Variants in RPS6KA2 observed in about 807,000 individuals in gnomAD.
The protein encoded by RPS6KA2 is ribosomal protein S6 kinase alpha-2.
A neutral mutation model predicts 91.8 loss-of-function variants in RPS6KA2; 42 were observed. The ratio of observed to expected loss-of-function variants is 0.46; its 90% CI spans 0.36 to 0.59. The LOEUF (loss-of-function observed/expected upper bound fraction) is 0.59. Ranked by LOEUF, RPS6KA2 falls within the 20% of genes least tolerant of loss-of-function variation. RPS6KA2 has a pLI of 0.00. For synonymous variants in RPS6KA2, 414 were observed against 393.6 expected (o/e 1.05, Z -0.61); for missense variants, 798 against 978.5 (o/e 0.82, Z 2.46).
At chr6:166,632,643 T>C (rs1044288598) in intron 2 of RPS6KA2, among the ~76,000 whole-genome samples, 3 of 151,166 alleles carry the variant, frequency 2.0e-5, no homozygotes, top group Admixed American at 6.6e-5. Context: ...TTGTCAATTA[T>C]ACCTCAACAA....
At chr6:166,651,919 C>G (rs1257409929) in intron 2 of RPS6KA2, among the ~76,000 whole-genome samples, 5 of 152,276 alleles carry the variant, frequency 3.3e-5, no homozygotes, top group African/African-American at 1.2e-4. Flanking sequence ...ACTGTGCCCC[C>G]CAACGGCTGA....
intron 2 of RPS6KA2, among the ~76,000 whole-genome samples, chr6:166,798,655 A>G (rs1203963073): frequency 6.6e-6 from 1 of 152,212 alleles, no homozygotes; most frequent in Non-Finnish European, 1.5e-5. Flanking sequence ...ACATGGCATA[A>G]GTATTTTTAA....
At chr6:166,781,009 ACTAGAAGCTC>A (rs1778755049) in intron 2 of RPS6KA2, among the ~76,000 whole-genome samples, 2 of 152,242 alleles carry the variant, frequency 1.3e-5, no homozygotes, top group Non-Finnish European at 2.9e-5. Flanking sequence ...ACTGACTCCT[ACTAGAAGCTC>A]CAGTTCCTCT....
chr6:166,617,346 T>C (rs1025036125), intron 1 of RPS6KA2, among the ~76,000 whole-genome samples: 1 of 152,240 alleles, frequency 6.6e-6, no homozygotes, highest in Non-Finnish European at 1.5e-5. Context: ...TTTTAAGATA[T>C]TTTGTTGCTT....
intron 2 of RPS6KA2, among the ~76,000 whole-genome samples, chr6:166,717,608 G>A (rs1790048593): frequency 6.6e-6 from 1 of 152,206 alleles, no homozygotes; most frequent in African/African-American, 2.4e-5. Flanking sequence ...GCAGCGTGGG[G>A]TTGGAAGGGA....
In RPS6KA2 at chr6:166,459,539, T is replaced by G; in HGVS notation, c.985A>C (p.Lys329Gln). 6.2e-7 allele frequency: 1 copy of G among 1,613,254 alleles called. No individual in the cohort carries two copies. Among genetic ancestry groups the G allele is most frequent in the South Asian group, 1.1e-5 (1 of 90,996 alleles). ...GGTTTGAACGGTGGCTTGATCTCCT[T>G]CCGGTACAGCGTCTATTAATACAAG... is the stretch of plus-strand genomic sequence containing the variant. Reference protein sequence around the residue: ...VTIDWNTLYRKEIKPPFKPAV... With the variant: ...VTIDWNTLYRQEIKPPFKPAV... Residue 329 changes from lysine to glutamine, a missense_variant, in exon 12 of 21, where the codon AAG becomes CAG. Lys to Gln is a moderately conservative substitution (Grantham distance 53). Coordinates refer to ENST00000265678, the MANE Select transcript of RPS6KA2 (RefSeq NM_021135.6). This position sits in a 1 kb window ranked among gnomAD's most constrained non-coding sequence, Gnocchi z 4.9.
At chr6:166,601,722 T>C (rs905707096) in intron 1 of RPS6KA2, among the ~76,000 whole-genome samples, 1 of 152,242 alleles carries the variant, frequency 6.6e-6, no homozygotes. Context: ...ACAAAACTAG[T>C]TCCATTCTTT....
intron 2 of RPS6KA2, among the ~76,000 whole-genome samples, chr6:166,532,657 G>A (rs540577595): frequency 2.0e-5 from 3 of 152,252 alleles, no homozygotes; most frequent in South Asian, 4.2e-4. Flanking sequence ...ACCCCTACCC[G>A]GGGTGCAGGA....
rs570421014 is a variant in RPS6KA2 at position 166,579,417 on chromosome 6, T to C, written c.100-40633A>G. The stretch of plus-strand genomic sequence containing the variant: ...CACAGGCCATCTGGGGAGGAAGAAA[T>C]GTATGCAAGAATGTCATGCTTCCAG... On this transcript the variant is annotated intron_variant, in intron 1 of 20. Transcript: ENST00000265678. 7.9e-5 allele frequency among the ~76,000 whole-genome samples: 12 copies of C among 152,028 alleles called. No homozygotes were observed. The East Asian group carries it at 2.1e-3, about 27-fold the overall frequency.
rs1778441331 is a variant in RPS6KA2 at position 166,770,651 on chromosome 6, C to G, written c.123+87549G>C. Among the ~76,000 whole-genome samples the G allele has an allele frequency of 6.6e-6, 1 of 152,212 alleles. No homozygotes were observed. Among genetic ancestry groups the G allele is most frequent in the Admixed American group, 6.5e-5 (1 of 15,284 alleles). On this transcript the variant is annotated intron_variant, in intron 2 of 21. Transcript: ENST00000503859. The surrounding 1 kb of genome is among the most constrained non-coding windows in gnomAD (Gnocchi z 5.1). ...CCTGCTGTACAAGGACATTACTGCA[C>G]AAAGCACTCGGATTCCCCACAGGAT...
At chr6:166,502,823 G>A (rs1782070819) in intron 6 of RPS6KA2, among the ~76,000 whole-genome samples, 1 of 152,220 alleles carries the variant, frequency 6.6e-6, no homozygotes, top group African/African-American at 2.4e-5. Context: ...TGCTGCTCTT[G>A]TGGGGAGACA....
intron 2 of RPS6KA2, among the ~76,000 whole-genome samples, chr6:166,807,939 G>A (rs1214376983): frequency 6.6e-6 from 1 of 152,000 alleles, no homozygotes; most frequent in Non-Finnish European, 1.5e-5. Flanking sequence ...TAACTAATGA[G>A]GCAGCCCTGG....
At chr6:166,823,311 CCT>C (rs1779949964) in intron 2 of RPS6KA2, among the ~76,000 whole-genome samples, 1 of 152,144 alleles carries the variant, frequency 6.6e-6, no homozygotes, top group Non-Finnish European at 1.5e-5. Flanking sequence ...GGTATATGAG[CCT>C]CTCTTAGAGC....
intron 1 of RPS6KA2, among the ~76,000 whole-genome samples, chr6:166,609,648 T>C (rs908996392): frequency 2.6e-5 from 4 of 151,920 alleles, no homozygotes; most frequent in Non-Finnish European, 5.9e-5. Context: ...TACAGGCGCA[T>C]GCCACCACTC....
At chr6:166,453,463 T>C (rs914899098) in intron 12 of RPS6KA2, among the ~76,000 whole-genome samples, 3 of 151,908 alleles carry the variant, frequency 2.0e-5, no homozygotes, top group Non-Finnish European at 2.9e-5. Context: ...AAACAGCATA[T>C]AAAAAATGCT....
intron 1 of RPS6KA2, among the ~76,000 whole-genome samples, chr6:166,556,335 A>C (rs1784177654): frequency 6.6e-6 from 1 of 152,116 alleles, no homozygotes; most frequent in South Asian, 2.1e-4. Context: ...ATGTTACTAC[A>C]TTTTCATTTT....
intron 2 of RPS6KA2, among the ~76,000 whole-genome samples, chr6:166,658,134 G>T (rs993319920): frequency 5.9e-5 from 9 of 152,092 alleles, no homozygotes; most frequent in African/African-American, 1.9e-4. Context: ...CGCCCACCTC[G>T]GCCTCCCAAA....
rs146586206 is a variant in RPS6KA2 at position 166,529,123 on chromosome 6, C to T, written c.298+2109G>A. ...GCTGCTATAAAGACACATGCACATG[C>T]ATGTTTATTGTGGCACTATTCACCA... On this transcript the variant is annotated intron_variant, in intron 3 of 20. Transcript: ENST00000265678. Among the ~76,000 whole-genome samples, 337 of 152,302 alleles carry T rather than the reference C, an allele frequency of 2.2e-3. 7 individuals are homozygous for T. Among genetic ancestry groups the T allele is most frequent in the Admixed American group, 0.019 (286 of 15,302 alleles).
intron 17 of RPS6KA2, among the ~76,000 whole-genome samples, chr6:166,421,486 G>T (rs1391483140): frequency 6.6e-6 from 1 of 152,162 alleles, no homozygotes. Flanking sequence ...GAGGACAAAG[G>T]CTTCCCCTAG....
Sources: allele counts gnomAD v4.1 joint callset (sites outside exome capture counted in the v4.1 genomes callset), GRCh38; gene constraint gnomAD v4.1.1; non-coding constraint Gnocchi (gnomAD v3.1); transcripts MANE v1.5; gene names NCBI Gene and HGNC (gene_info 2026-07-23, HGNC 2026-07-21).